KCNAB1: variants seen among roughly 807,000 people sequenced by gnomAD.
KCNAB1 encodes potassium voltage-gated channel subfamily A regulatory beta subunit 1.
A neutral mutation model predicts 64.6 loss-of-function variants in KCNAB1; 35 were observed. The ratio of observed to expected loss-of-function variants is 0.54; its 90% CI spans 0.41 to 0.72. The LOEUF is 0.72. Ranked by LOEUF, KCNAB1 falls within the 30% of genes least tolerant of loss-of-function variation. The pLI, the probability that KCNAB1 is intolerant of heterozygous loss-of-function variation, is 0.00. For missense variants in KCNAB1, 401 were observed against 512.9 expected, an observed-to-expected ratio of 0.78 and a Z score of 2.11; for synonymous variants, 177 against 183.8, an observed-to-expected ratio of 0.96 and a Z score of 0.30.
At chr3:156,254,051 A>G (rs1026383413) in intron 1 of KCNAB1, among the ~76,000 whole-genome samples, 1 of 152,212 alleles carries the variant, frequency 6.6e-6, no homozygotes, top group Non-Finnish European at 1.5e-5. Flanking sequence ...TAAGGACACA[A>G]TGCCCTCTGC....
intron 1 of KCNAB1, among the ~76,000 whole-genome samples, chr3:156,144,860 C>A (rs1042831051): frequency 2.0e-5 from 3 of 152,172 alleles, no homozygotes; most frequent in Non-Finnish European, 4.4e-5. Flanking sequence ...GTTTAAATAT[C>A]AATTACAGAT....
intron 1 of KCNAB1, among the ~76,000 whole-genome samples, chr3:156,216,238 C>T (rs543393040): frequency 1.4e-4 from 21 of 152,218 alleles, no homozygotes; most frequent in African/African-American, 4.8e-4. Context: ...GATCCAAGCC[C>T]TTGATTAGTT....
intron 10 of KCNAB1, 59 bp downstream of exon 10, chr3:156,515,279 G>C: frequency 6.7e-7 from 1 of 1,497,502 alleles, no homozygotes; most frequent in Non-Finnish European, 9.1e-7. Flanking sequence ...CACTGATTCG[G>C]GGAAAAAATA....
chr3:156,435,682 G>A (rs533140705), intron 2 of KCNAB1, among the ~76,000 whole-genome samples: 1 of 152,210 alleles, frequency 6.6e-6, no homozygotes, highest in Admixed American at 6.5e-5. Context: ...AGAGTTTGAA[G>A]TCAGAGTATG....
chr3:156,367,052 A>G (rs1383946600), intron 1 of KCNAB1, among the ~76,000 whole-genome samples: 1 of 152,110 alleles, frequency 6.6e-6, no homozygotes, highest in African/African-American at 2.4e-5. Flanking sequence ...GGTTGATTAG[A>G]TCCTTGAATT....
At chr3:156,126,356 G>C (rs959336316) in intron 1 of KCNAB1, among the ~76,000 whole-genome samples, 3 of 152,150 alleles carry the variant, frequency 2.0e-5, no homozygotes, top group African/African-American at 4.8e-5. Flanking sequence ...GCAGAGGAGA[G>C]AGTATGATAG....
At chr3:156,385,397 G>C (rs1487708176) in intron 1 of KCNAB1, among the ~76,000 whole-genome samples, 5 of 151,280 alleles carry the variant, frequency 3.3e-5, no homozygotes, top group African/African-American at 1.2e-4. Context: ...GAAGAAACCA[G>C]TCTGTGTTCT....
In KCNAB1 at chr3:156,398,448, C is replaced by T. The variant is rs536202163; in HGVS notation, c.276-23168C>T. ...TCTACTAAAAATTCAAAAAATTAGC[C>T]GGGCGAGGTGGCGGGTGCCTGTATT... On this transcript the variant is annotated intron_variant, in intron 1 of 13. Transcript: ENST00000490337. 2.0e-4 allele frequency among the ~76,000 whole-genome samples: 31 copies of T among 152,034 alleles called. No homozygotes were observed. In the South Asian group the frequency reaches 4.8e-3, roughly 23 times the overall value.
chr3:156,342,096 T>A (rs1724156480), intron 1 of KCNAB1, among the ~76,000 whole-genome samples: 1 of 152,194 alleles, frequency 6.6e-6, no homozygotes, highest in South Asian at 2.1e-4. Flanking sequence ...GGATGCCACT[T>A]GGAATGCCTG....
At chr3:156,226,764 G>A (rs1225654221) in intron 1 of KCNAB1, among the ~76,000 whole-genome samples, 1 of 152,100 alleles carries the variant, frequency 6.6e-6, no homozygotes, top group Non-Finnish European at 1.5e-5. Flanking sequence ...GTTTTGGCGG[G>A]GATCCTTTTA....
At chr3:156,449,671 G>C (rs1711847271) in intron 2 of KCNAB1, among the ~76,000 whole-genome samples, 1 of 152,156 alleles carries the variant, frequency 6.6e-6, no homozygotes, top group African/African-American at 2.4e-5. Context: ...TTAGAATTTG[G>C]TTTTCAATGG....
chr3:156,384,064 G>A (rs1176054407), intron 1 of KCNAB1, among the ~76,000 whole-genome samples: 3 of 152,234 alleles, frequency 2.0e-5, no homozygotes, highest in Non-Finnish European at 2.9e-5. Context: ...ATTAAATGTT[G>A]GAGGCTGGTC....
At chr3:156,303,195 G>A (rs1327301220) in intron 1 of KCNAB1, among the ~76,000 whole-genome samples, 1 of 152,146 alleles carries the variant, frequency 6.6e-6, no homozygotes, top group Non-Finnish European at 1.5e-5. Context: ...AAGACCTACA[G>A]CTCTCTTATC....
intron 1 of KCNAB1, among the ~76,000 whole-genome samples, chr3:156,248,565 G>T (rs1717610126): frequency 6.9e-6 from 1 of 144,532 alleles, no homozygotes; most frequent in African/African-American, 2.6e-5. Flanking sequence ...AAGTACTATA[G>T]AATGAATGCC....
intron 1 of KCNAB1, among the ~76,000 whole-genome samples, chr3:156,325,987 C>G (rs574400188): frequency 2.0e-4 from 30 of 152,184 alleles, no homozygotes; most frequent in African/African-American, 6.3e-4. Flanking sequence ...TTACAGGACT[C>G]CAAAGAAAAT....
At chr3:156,129,488 T>C (rs1032883390) in intron 1 of KCNAB1, among the ~76,000 whole-genome samples, 1 of 152,218 alleles carries the variant, frequency 6.6e-6, no homozygotes, top group African/African-American at 2.4e-5. Context: ...ACCACAGATA[T>C]ATAAACTGGG....
rs146738680 is a variant in KCNAB1 at position 156,155,053 on chromosome 3, C to T, written c.275+34167C>T. 1.7e-3 allele frequency among the ~76,000 whole-genome samples: 256 copies of T among 152,260 alleles called. 1 individual carries two copies. The highest frequency in any genetic ancestry group is 6.0e-3 in the African/African-American group (249 of 41,538). ...GGATAATCCAAAACATATTCTTATA[C>T]AAGATGGAAAAACAGGTTCATGCAG... is the stretch of plus-strand genomic sequence containing the variant. On this transcript the variant is annotated intron_variant, in intron 1 of 13. Coordinates refer to ENST00000490337, the MANE Select transcript of KCNAB1 (RefSeq NM_172160.3).
intron 12 of KCNAB1, among the ~76,000 whole-genome samples, chr3:156,530,848 A>C (rs1342215213): frequency 6.6e-6 from 1 of 152,148 alleles, no homozygotes; most frequent in Non-Finnish European, 1.5e-5. Flanking sequence ...CCATGAATAC[A>C]GTGGAAAGAC....
chr3:156,334,375 A>G (rs896267654), intron 1 of KCNAB1, among the ~76,000 whole-genome samples: 3 of 152,170 alleles, frequency 2.0e-5, no homozygotes, highest in Non-Finnish European at 4.4e-5. Context: ...GCTCCCCAAC[A>G]TCAAGGAGTT....
Sources: gnomAD v4.1 joint callset for allele counts (sites outside exome capture counted in the v4.1 genomes callset) on GRCh38, gnomAD v4.1.1 for gene constraint, MANE v1.5 for transcripts, NCBI Gene and HGNC (gene_info 2026-07-23, HGNC 2026-07-21) for gene names.